RPSA2: variants seen among roughly 807,000 people sequenced by gnomAD.
The protein encoded by RPSA2 is ribosomal protein SA 2, also known as small ribosomal subunit protein uS2B.
the RPSA2 span, among the ~76,000 whole-genome samples, chr19:23,776,503 A>T: frequency 6.6e-6 from 1 of 152,100 alleles, no homozygotes; most frequent in African/African-American, 2.4e-5. Flanking sequence ...ACAGTGTGAC[A>T]TACTGCTGGG....
At chr19:23,777,853 C>T in the RPSA2 span, among the ~76,000 whole-genome samples, 2 of 152,148 alleles carry the variant, frequency 1.3e-5, no homozygotes, top group Non-Finnish European at 2.9e-5. Context: ...ATGTAACTCT[C>T]CTGCCAGGCC....
the RPSA2 span, among the ~76,000 whole-genome samples, chr19:23,856,047 A>G: frequency 6.6e-6 from 1 of 152,134 alleles, no homozygotes; most frequent in African/African-American, 2.4e-5. Context: ...TAGATATTGA[A>G]TCCTCAACAT....
chr19:23,780,448 C>T, the RPSA2 span, among the ~76,000 whole-genome samples: 6 of 152,056 alleles, frequency 3.9e-5, no homozygotes, highest in Admixed American at 2.6e-4. Context: ...TCGAGACCAT[C>T]CTGGCTAACG....
chr19:23,838,999 G>T, the RPSA2 span, among the ~76,000 whole-genome samples: 18 of 151,768 alleles, frequency 1.2e-4, no homozygotes, highest in East Asian at 3.1e-3. Flanking sequence ...TGCTGGGTTT[G>T]GGTTTCATTT....
chr19:23,793,216 T>C, the RPSA2 span, among the ~76,000 whole-genome samples: 275 of 146,286 alleles, frequency 1.9e-3, 1 homozygote, highest in South Asian at 0.011. Context: ...CTTTCTTTTT[T>C]TTTTTTTTTT....
the RPSA2 span, among the ~76,000 whole-genome samples, chr19:23,837,255 T>G: frequency 2.0e-5 from 3 of 152,086 alleles, no homozygotes; most frequent in African/African-American, 7.2e-5. Flanking sequence ...TTTCCCCACT[T>G]TATGTTTTTG....
the RPSA2 span, chr19:23,832,905 C>G: frequency 1.3e-6 from 2 of 1,553,562 alleles, no homozygotes; most frequent in South Asian, 2.2e-5. Context: ...AGGAACGTGG[C>G]AAATCTTTTA....
chr19:23,769,933 T>C, the RPSA2 span, among the ~76,000 whole-genome samples: 2 of 152,198 alleles, frequency 1.3e-5, no homozygotes, highest in African/African-American at 4.8e-5. Context: ...CTAGGTGATG[T>C]GACACTCCTC....
the RPSA2 span, among the ~76,000 whole-genome samples, chr19:23,821,010 G>A: frequency 2.0e-5 from 3 of 152,206 alleles, no homozygotes; most frequent in Non-Finnish European, 4.4e-5. Flanking sequence ...GCAATGAAGA[G>A]GGCCTCCTGG....
the RPSA2 span, chr19:23,827,517 C>T: frequency 3.1e-6 from 5 of 1,596,882 alleles, no homozygotes; most frequent in Non-Finnish European, 4.2e-6. Flanking sequence ...TTCTGGGAGC[C>T]ACGGCTTCTT....
the RPSA2 span, among the ~76,000 whole-genome samples, chr19:23,834,883 T>G: frequency 6.6e-6 from 1 of 152,068 alleles, no homozygotes; most frequent in East Asian, 1.9e-4. Flanking sequence ...ATTGTTCCTA[T>G]AGGTTATATT....
At chr19:23,784,387 T>C in the RPSA2 span, among the ~76,000 whole-genome samples, 1 of 152,196 alleles carries the variant, frequency 6.6e-6, no homozygotes, top group African/African-American at 2.4e-5. Context: ...ATGAATGCAC[T>C]CCACAGTTGG....
the RPSA2 span, among the ~76,000 whole-genome samples, chr19:23,797,689 T>G: frequency 3.9e-5 from 6 of 152,334 alleles, no homozygotes; most frequent in Middle Eastern, 3.4e-3. Context: ...TGTTGTAGTC[T>G]CCCACTATTG....
chr19:23,805,980 G>A, the RPSA2 span, among the ~76,000 whole-genome samples: 2 of 151,354 alleles, frequency 1.3e-5, no homozygotes, highest in East Asian at 3.9e-4. Flanking sequence ...ACATGGATAG[G>A]TGTGGATTAT....
At chr19:23,870,152 G>A in the RPSA2 span, among the ~76,000 whole-genome samples, 3 of 152,226 alleles carry the variant, frequency 2.0e-5, no homozygotes, top group East Asian at 3.9e-4. Flanking sequence ...AGAGCCTCAG[G>A]CATCATAATT....
the RPSA2 span, among the ~76,000 whole-genome samples, chr19:23,790,123 T>C: frequency 5.9e-5 from 9 of 152,160 alleles, no homozygotes; most frequent in Admixed American, 4.6e-4. Flanking sequence ...CTCAGTCTCC[T>C]GAGTAGCTGG....
At chr19:23,786,545 T>C in the RPSA2 span, among the ~76,000 whole-genome samples, 148,972 of 152,304 alleles carry the variant, frequency 0.98, 72,949 homozygotes, top group Middle Eastern at 1. Flanking sequence ...TTGTGCCATA[T>C]TGGGGCTCAA....
chr19:23,811,952 G>A, the RPSA2 span, among the ~76,000 whole-genome samples: 3 of 151,942 alleles, frequency 2.0e-5, no homozygotes, highest in Non-Finnish European at 4.4e-5. Context: ...GTTTATGATT[G>A]TATTTCCTTT....
chr19:23,761,922 T>TCCTTCCTTCCTTCCCTCC, the RPSA2 span, among the ~76,000 whole-genome samples: 1 of 99,028 alleles, frequency 1.0e-5, no homozygotes, highest in Non-Finnish European at 2.0e-5. Context: ...CTTTCTTTCT[T>TCCTTCCTTCCTTCCCTCC]TTTTTTTTTT....
Sources: allele counts gnomAD v4.1 joint callset (sites outside exome capture counted in the v4.1 genomes callset), GRCh38; gene constraint gnomAD v4.1.1; transcripts MANE v1.5; gene names NCBI Gene and HGNC (gene_info 2026-07-23, HGNC 2026-07-21).